RCAN3: variants seen among roughly 807,000 people sequenced by gnomAD.
RCAN3 encodes the protein calcipressin-3.
Under a neutral mutation model 21.9 loss-of-function variants are expected in RCAN3, and 19 were observed. The ratio of observed to expected loss-of-function variants is 0.87; its 90% CI spans 0.61 to 1.27. The LOEUF (loss-of-function observed/expected upper bound fraction) is 1.27, where lower values mean the gene tolerates loss of function less well. Ranked by LOEUF, RCAN3 falls within the 50% of genes most tolerant of loss-of-function variation. The pLI is 0.00. For missense variants in RCAN3, 240 were observed against 300.1 expected (o/e 0.80, Z 1.48); for synonymous variants, 114 against 112.3 (o/e 1.01, Z -0.09).
At chr1:24,507,251 C>T (rs890940215) in intron 1 of RCAN3, among the ~76,000 whole-genome samples, 1 of 152,172 alleles carries the variant, frequency 6.6e-6, no homozygotes, top group Admixed American at 6.5e-5. Flanking sequence ...CATGCTGGTC[C>T]TACTGTCTTC....
intron 2 of RCAN3, among the ~76,000 whole-genome samples, chr1:24,530,388 C>T (rs913258019): frequency 8.2e-6 from 1 of 122,356 alleles, no homozygotes; most frequent in Admixed American, 7.8e-5. Flanking sequence ...AAGACAGTCA[C>T]ACACAACAGC....
At chr1:24,530,356 CAAAAAAAAAAAA>C (rs56914359) in intron 2 of RCAN3, among the ~76,000 whole-genome samples, 1 of 81,518 alleles carries the variant, frequency 1.2e-5, no homozygotes, top group African/African-American at 4.9e-5. Flanking sequence ...CTCTTATCTC[CAAAAAAAAAAAA>C]AAAAAAAAAA....
chr1:24,521,041 C>T (rs536826816), intron 2 of RCAN3, among the ~76,000 whole-genome samples: 1 of 152,102 alleles, frequency 6.6e-6, no homozygotes, highest in Non-Finnish European at 1.5e-5. Flanking sequence ...ATGCACACTT[C>T]CTGATTTCAA....
chr1:24,527,678 A>G (rs1365816797), intron 2 of RCAN3, among the ~76,000 whole-genome samples: 4 of 152,202 alleles, frequency 2.6e-5, no homozygotes, highest in Non-Finnish European at 5.9e-5. Context: ...TACATAGGCG[A>G]AGCAAGAACA....
chr1:24,524,823 CTTTTGTTTT>C (rs1452796163), intron 2 of RCAN3, among the ~76,000 whole-genome samples: 3 of 115,908 alleles, frequency 2.6e-5, no homozygotes, highest in Non-Finnish European at 5.2e-5. Context: ...ATTTTGTTTT[CTTTTGTTTT>C]TTTTTTTTTT....
rs952225826 is a variant in RCAN3 at position 24,515,490 on chromosome 1, A to G, written c.195+923A>G. On this transcript the variant is annotated intron_variant, in intron 2 of 4. Coordinates refer to ENST00000374395, the MANE Select transcript of RCAN3 (RefSeq NM_013441.4). Reference sequence around the variant, plus strand: ...CTTTGTTTTGTTTTTCCCCGTCATGACCTCACAAAAGGCTATAGGTCTTAG... The same window carrying G: ...CTTTGTTTTGTTTTTCCCCGTCATGGCCTCACAAAAGGCTATAGGTCTTAG... Among the ~76,000 whole-genome samples the G allele has an allele frequency of 8.0e-5, 12 of 149,788 alleles. 1 individual carries two copies. Among genetic ancestry groups the G allele is most frequent in the Non-Finnish European group, 1.5e-4 (10 of 67,702 alleles).
chr1:24,516,790 G>T (rs1285573279), intron 2 of RCAN3, among the ~76,000 whole-genome samples: 1 of 152,308 alleles, frequency 6.6e-6, no homozygotes, highest in Non-Finnish European at 1.5e-5. Flanking sequence ...GATTGCACCC[G>T]CCTGGAGATG....
chr1:24,514,893 T>G (rs920748862), intron 2 of RCAN3, among the ~76,000 whole-genome samples: 1 of 150,878 alleles, frequency 6.6e-6, no homozygotes, highest in Non-Finnish European at 1.5e-5. Context: ...CACTTGAACT[T>G]GGGAGGCAGA....
At position 24,531,292 on chromosome 1, in the gene RCAN3, CAG is replaced by C; in HGVS notation, c.272_273del (p.Arg91AsnfsTer7). ...FQLFKSFRRV[R>X]INFSKPEAAA... ...AGCTGTTTAAAAGCTTTAGAAGAGT[CAG>C]AATAAATTTCAGCAAACCTGAAGCG... On this transcript the variant is annotated frameshift_variant, in exon 3 of 5. Transcript: ENST00000374395. LOFTEE classifies it high-confidence loss of function. 6.2e-7 allele frequency: 1 copy of C among 1,613,510 alleles called. No homozygotes were observed. The highest frequency in any genetic ancestry group is 8.5e-7 in the Non-Finnish European group (1 of 1,179,758).
At chr1:24,515,483 C>T (rs561608627) in intron 2 of RCAN3, among the ~76,000 whole-genome samples, 3 of 148,372 alleles carry the variant, frequency 2.0e-5, no homozygotes, top group Admixed American at 6.7e-5. Context: ...TGTTTTTCCC[C>T]GTCATGACCT....
intron 2 of RCAN3, among the ~76,000 whole-genome samples, chr1:24,515,111 G>A (rs1439381182): frequency 6.6e-6 from 1 of 152,134 alleles, no homozygotes; most frequent in African/African-American, 2.4e-5. Flanking sequence ...AGAAGCACTG[G>A]CATTTAGTGA....
At position 24,535,255 on chromosome 1, in the gene RCAN3, A is replaced by C. The variant is rs549837822; in HGVS notation, c.704A>C (p.Gln235Pro). Residue 235 changes from glutamine to proline, a missense_variant, in exon 5 of 5, where the codon CAG becomes CCG. By Grantham distance (76) the Gln-to-Pro change is moderately conservative (BLOSUM62 -1). Transcript: ENST00000374395. ...DPPTAALNEP[Q>P]TFDCAL ...CCGACCGCAGCGTTGAATGAGCCCC[A>C]GACCTTTGATTGCGCGCTGTGAGGC... The C allele has an allele frequency of 6.4e-7, 1 of 1,560,164 alleles. No homozygotes were observed. The highest frequency in any genetic ancestry group is 1.4e-5 in the African/African-American group (1 of 71,702).
chr1:24,526,239 A>G (rs1649255603), intron 2 of RCAN3, among the ~76,000 whole-genome samples: 1 of 152,132 alleles, frequency 6.6e-6, no homozygotes, highest in South Asian at 2.1e-4. Flanking sequence ...CTACAAGCGT[A>G]TGCCACCATG....
At chr1:24,524,773 A>G (rs1381568246) in intron 2 of RCAN3, among the ~76,000 whole-genome samples, 2 of 150,990 alleles carry the variant, frequency 1.3e-5, no homozygotes, top group African/African-American at 4.9e-5. Flanking sequence ...GGATCAAGCC[A>G]TTCCTTCTCA....
At position 24,539,827 on chromosome 1, in the gene RCAN3, C is replaced by A. The variant is rs1159147768; in HGVS notation, c.*4550C>A. 2.0e-5 allele frequency: 3 copies of A among 152,202 alleles called. No homozygotes were observed. The highest frequency in any genetic ancestry group is 4.4e-5 in the Non-Finnish European group (3 of 68,044). The allele number at this position is 152,202 out of a possible 1,614,324, so 9.4% of individuals were successfully genotyped here. A position where few individuals can be genotyped will look rare whatever the true frequency, so the allele number is the denominator to read the frequency against. The stretch of plus-strand genomic sequence containing the variant: ...ACGTACCAAACAGGTGAACTTGGTC[C>A]ATCTTTCCTTCTTCCTTTTTTTGCA... On this transcript the variant is annotated 3_prime_UTR_variant, in exon 5 of 5. Transcript: ENST00000374395.
intron 1 of RCAN3, among the ~76,000 whole-genome samples, chr1:24,503,553 C>T (rs1387551094): frequency 1.3e-5 from 2 of 152,246 alleles, no homozygotes; most frequent in Non-Finnish European, 2.9e-5. Flanking sequence ...TGCCCCGCTT[C>T]CCCCACGGTG....
intron 2 of RCAN3, among the ~76,000 whole-genome samples, chr1:24,529,747 C>T (rs59999736): frequency 6.6e-6 from 1 of 151,118 alleles, no homozygotes; most frequent in Non-Finnish European, 1.5e-5. Context: ...GACAGGGTTT[C>T]ACCATGTTGG....
At chr1:24,533,346 G>A in intron 4 of RCAN3, 92 bp downstream of exon 4, 2 of 1,062,030 alleles carry the variant, frequency 1.9e-6, no homozygotes, top group Non-Finnish European at 2.6e-6. Context: ...AGTATGATTA[G>A]AGCAGAGGAT....
intron 1 of RCAN3, among the ~76,000 whole-genome samples, chr1:24,510,633 C>T (rs2148893346): frequency 6.6e-6 from 1 of 152,324 alleles, no homozygotes; most frequent in Non-Finnish European, 1.5e-5. Context: ...GTTTGATCTT[C>T]TATCTAGACC....
Sources: gnomAD v4.1 joint callset for allele counts (sites outside exome capture counted in the v4.1 genomes callset) on GRCh38, gnomAD v4.1.1 for gene constraint, MANE v1.5 for transcripts, NCBI Gene and HGNC (gene_info 2026-07-23, HGNC 2026-07-21) for gene names.